The following EXTL3 variants were observed in gnomAD, a reference collection of about 807,000 sequenced individuals.
EXTL3 encodes exostosin-like 3.
Under a neutral mutation model 69.3 loss-of-function variants are expected in EXTL3, and 27 were observed. That is an observed-to-expected ratio of 0.39 (90% CI 0.29 to 0.54). EXTL3 has a LOEUF of 0.54. EXTL3 is among the 20% of genes least tolerant of loss of function. The pLI is 0.69. For missense variants in EXTL3, 1,003 were observed against 1,231.8 expected, an observed-to-expected ratio of 0.81 and a Z score of 2.78; for synonymous variants, 511 against 499.4, an observed-to-expected ratio of 1.02 and a Z score of -0.31.
intron 1 of EXTL3, among the ~76,000 whole-genome samples, chr8:28,685,315 G>T (rs1189642054): frequency 1.3e-5 from 2 of 151,770 alleles, no homozygotes; most frequent in Non-Finnish European, 2.9e-5. Context: ...ATCACACATC[G>T]CATTTAGCTC....
intron 1 of EXTL3, among the ~76,000 whole-genome samples, chr8:28,683,702 CAGG>C (rs1175881758): frequency 6.6e-6 from 1 of 151,780 alleles, no homozygotes; most frequent in Non-Finnish European, 1.5e-5. Flanking sequence ...CCCAGCTACT[CAGG>C]AGGCTGAGGC....
At chr8:28,610,049 C>T (rs559518764) in intron 2 of EXTL3, among the ~76,000 whole-genome samples, 1 of 152,024 alleles carries the variant, frequency 6.6e-6, no homozygotes, top group Admixed American at 6.6e-5. Flanking sequence ...ACTAAAAATA[C>T]AAAGATTAGC....
chr8:28,755,252 C>CT lies in EXTL3; in HGVS notation c.*4387dup, dbSNP rs1413258301. The CT allele has an allele frequency of 6.6e-6, 1 of 152,398 alleles. No individual in the cohort carries two copies. Among genetic ancestry groups the CT allele is most frequent in the African/African-American group, 2.4e-5 (1 of 41,460 alleles). The allele number at this position is 152,398 out of a possible 1,614,324, so 9.4% of individuals were successfully genotyped here. ...CCTGGCTGAGTGCCCTGCTCACCTCCTATTAGAGCCCCCACGCTCTGTCGC... is the reference window on the plus strand; with the variant it reads ...CCTGGCTGAGTGCCCTGCTCACCTCCTTATTAGAGCCCCCACGCTCTGTCGC... On this transcript the variant is annotated 3_prime_UTR_variant, in exon 7 of 7. Transcript: ENST00000220562.
intron 5 of EXTL3, among the ~76,000 whole-genome samples, chr8:28,739,048 C>A (rs554477618): frequency 1.3e-5 from 2 of 152,224 alleles, no homozygotes; most frequent in Admixed American, 1.3e-4. Context: ...CGTTCTGTCT[C>A]ACACACAAGG....
chr8:28,728,951 A>C (rs1164243130), intron 3 of EXTL3, among the ~76,000 whole-genome samples: 2 of 152,128 alleles, frequency 1.3e-5, no homozygotes, highest in African/African-American at 2.4e-5. Context: ...TCAATTTCAC[A>C]TGCCTTCTTA....
chr8:28,695,674 C>T (rs1202126625), intron 1 of EXTL3, among the ~76,000 whole-genome samples: 1 of 152,210 alleles, frequency 6.6e-6, no homozygotes, highest in African/African-American at 2.4e-5. Context: ...GACTTAGTTA[C>T]AGTGACCTGT....
rs1040756604 is a variant in EXTL3, at chr8:28,623,818, A to G, written c.-53+1008A>G. ...GAAAACTGAAAGATATTCATCAGGT[A>G]AACATGATCCTCCTTAACAAATTTG... On this transcript the variant is annotated intron_variant, in intron 1 of 6. Transcript: ENST00000523149. The surrounding 1 kb of genome is among the most constrained non-coding windows in gnomAD (Gnocchi z 4.2). 6.6e-6 allele frequency among the ~76,000 whole-genome samples: 1 copy of G among 152,260 alleles called. No individual in the cohort carries two copies. The highest frequency in any genetic ancestry group is 1.5e-5 in the Non-Finnish European group (1 of 68,038).
chr8:28,655,201 T>C (rs969180723), intron 1 of EXTL3, among the ~76,000 whole-genome samples: 1 of 152,144 alleles, frequency 6.6e-6, no homozygotes, highest in Non-Finnish European at 1.5e-5. Context: ...ATCCTAGCAC[T>C]TTGGGAGGCC....
chr8:28,664,481 C>T (rs1807163819), intron 1 of EXTL3, among the ~76,000 whole-genome samples: 1 of 152,116 alleles, frequency 6.6e-6, no homozygotes. Flanking sequence ...CTGCATCCGG[C>T]CTCTGGGGTC....
intron 1 of EXTL3, among the ~76,000 whole-genome samples, chr8:28,683,707 G>A (rs1057080838): frequency 6.6e-6 from 1 of 152,086 alleles, no homozygotes; most frequent in African/African-American, 2.4e-5. Flanking sequence ...CTACTCAGGA[G>A]GCTGAGGCAG....
chr8:28,715,759 T>C lies in EXTL3; in HGVS notation c.-301T>C. 4.9e-6 allele frequency: 2 copies of C among 405,834 alleles called. No individual in the cohort carries two copies. Among genetic ancestry groups the C allele is most frequent in the Non-Finnish European group, 8.9e-6 (2 of 224,524 alleles). The allele number at this position is 405,834 out of a possible 1,614,324, so 25.1% of individuals were successfully genotyped here. On this transcript the variant is annotated 5_prime_UTR_variant, in exon 3 of 7. Transcript: ENST00000220562. Reference sequence around the variant, plus strand: ...TCCAGGGTGTTTTTCCTGGGTTTCATCATCAGGTACCTCCTCCCTTTCATC... The same window carrying C: ...TCCAGGGTGTTTTTCCTGGGTTTCACCATCAGGTACCTCCTCCCTTTCATC...
At chr8:28,620,381 T>C (rs1806394944), upstream of EXTL3, among the ~76,000 whole-genome samples, 2 of 152,170 alleles carry the variant, frequency 1.3e-5, no homozygotes, top group African/African-American at 4.8e-5. Context: ...TGCAGGCTCC[T>C]ATGGAACTTG....
intron 3 of EXTL3, among the ~76,000 whole-genome samples, chr8:28,728,556 C>CCTCA (rs1801462031): frequency 6.6e-6 from 1 of 152,148 alleles, no homozygotes; most frequent in African/African-American, 2.4e-5. Flanking sequence ...TTGAGTTGGG[C>CCTCA]AGGACCTCCT....
upstream of EXTL3, chr8:28,700,837 A>T (rs1800770340): frequency 6.6e-6 from 1 of 152,236 alleles, no homozygotes; most frequent in Non-Finnish European, 1.5e-5. Flanking sequence ...GTGTGGAAAC[A>T]CACAGTCACG....
chr8:28,644,659 A>G (rs1179758415), intron 1 of EXTL3, among the ~76,000 whole-genome samples: 1 of 152,198 alleles, frequency 6.6e-6, no homozygotes, highest in Non-Finnish European at 1.5e-5. Context: ...TGATGGACAG[A>G]GCAAGACCCT....
At chr8:28,650,039 T>C (rs1806892727) in intron 1 of EXTL3, among the ~76,000 whole-genome samples, 1 of 151,572 alleles carries the variant, frequency 6.6e-6, no homozygotes, top group African/African-American at 2.4e-5. Context: ...CTACTAAAAA[T>C]ACAAAAATTA....
chr8:28,607,973 G>A (rs571058919), intron 2 of EXTL3, among the ~76,000 whole-genome samples: 99 of 152,058 alleles, frequency 6.5e-4, no homozygotes, highest in Admixed American at 1.7e-3. Flanking sequence ...AGCCAGGCGT[G>A]GTGGTGGGCG....
chr8:28,611,921 GC>G (rs1806276531), intron 2 of EXTL3, among the ~76,000 whole-genome samples: 1 of 152,170 alleles, frequency 6.6e-6, no homozygotes, highest in African/African-American at 2.4e-5. Flanking sequence ...GGGGCTCCCT[GC>G]AAGAGGATCG....
At chr8:28,710,033 G>A (rs1488662444) in intron 1 of EXTL3, among the ~76,000 whole-genome samples, 1 of 152,184 alleles carries the variant, frequency 6.6e-6, no homozygotes, top group Non-Finnish European at 1.5e-5. Context: ...CAGCAAAAAT[G>A]TCTGATTAGG....
Sources: allele counts gnomAD v4.1 joint callset (sites outside exome capture counted in the v4.1 genomes callset), GRCh38; gene constraint gnomAD v4.1.1; non-coding constraint Gnocchi (gnomAD v3.1); transcripts MANE v1.5; gene names NCBI Gene and HGNC (gene_info 2026-07-23, HGNC 2026-07-21).